Variants in DLG2 observed in about 807,000 individuals in gnomAD.
DLG2 encodes the protein discs large MAGUK scaffold protein 2, also known as disks large homolog 2.
DLG2 carries 45 observed loss-of-function variants against 132.5 expected under a neutral mutation model. The observed-to-expected ratio is 0.34, with a 90% CI of 0.27 to 0.44. The LOEUF (loss-of-function observed/expected upper bound fraction) is 0.44. DLG2 is among the 20% of genes least tolerant of loss of function. DLG2 has a pLI of 1.00. For missense variants in DLG2, 1,045 were observed against 1,196.9 expected, an observed-to-expected ratio of 0.87 and a Z score of 1.87; for synonymous variants, 424 against 419.6, an observed-to-expected ratio of 1.01 and a Z score of -0.13.
intron 6 of DLG2, among the ~76,000 whole-genome samples, chr11:84,583,969 G>T (rs1379717969): frequency 6.6e-6 from 1 of 151,920 alleles, no homozygotes; most frequent in Non-Finnish European, 1.5e-5. Flanking sequence ...ATATAAATTT[G>T]TATTGTGCTC....
intron 6 of DLG2, among the ~76,000 whole-genome samples, chr11:84,823,581 C>CCACACA (rs60714512): frequency 0.011 from 1,500 of 134,464 alleles, 19 homozygotes; most frequent in East Asian, 0.051. Flanking sequence ...GGTTGTATAT[C>CCACACA]CACACACACA....
chr11:85,139,214 A>T (rs1344320445), intron 5 of DLG2, among the ~76,000 whole-genome samples: 1 of 152,100 alleles, frequency 6.6e-6, no homozygotes, highest in Non-Finnish European at 1.5e-5. Flanking sequence ...TCTGAAGTTT[A>T]CCAGTGAGAG....
At chr11:85,496,907 G>C (rs1451311605) in intron 3 of DLG2, among the ~76,000 whole-genome samples, 1 of 152,072 alleles carries the variant, frequency 6.6e-6, no homozygotes, top group Non-Finnish European at 1.5e-5. Flanking sequence ...CGTCCACTCA[G>C]AGACTACAGC....
At chr11:83,842,315 G>A (rs1037350067) in intron 16 of DLG2, among the ~76,000 whole-genome samples, 12 of 152,226 alleles carry the variant, frequency 7.9e-5, no homozygotes, top group Admixed American at 4.6e-4. Flanking sequence ...GAAAATTACC[G>A]CCAGGCTTGG....
At chr11:84,913,893 T>A (rs1271264618) in intron 6 of DLG2, among the ~76,000 whole-genome samples, 1 of 152,164 alleles carries the variant, frequency 6.6e-6, no homozygotes, top group African/African-American at 2.4e-5. Context: ...CAACTAAACA[T>A]CCAACACAAA....
At chr11:83,566,486 G>C (rs1395692067) in intron 19 of DLG2, among the ~76,000 whole-genome samples, 1 of 151,834 alleles carries the variant, frequency 6.6e-6, no homozygotes, top group South Asian at 2.1e-4. Flanking sequence ...AATTGGAAGA[G>C]CCAAGTAGGC....
chr11:83,461,343 G>T (rs1036017240), intron 27 of DLG2, among the ~76,000 whole-genome samples: 1 of 152,006 alleles, frequency 6.6e-6, no homozygotes, highest in Non-Finnish European at 1.5e-5. Flanking sequence ...CCAGGTGTAA[G>T]GCAAATTTCA....
chr11:84,412,149 T>C (rs1339490857), intron 7 of DLG2, among the ~76,000 whole-genome samples: 1 of 152,102 alleles, frequency 6.6e-6, no homozygotes, highest in Non-Finnish European at 1.5e-5. Context: ...ATGGTGATGA[T>C]GATTATGAGA....
intron 6 of DLG2, among the ~76,000 whole-genome samples, chr11:84,655,072 A>G (rs2099686550): frequency 6.6e-6 from 1 of 152,238 alleles, no homozygotes; most frequent in Admixed American, 6.5e-5. Flanking sequence ...TAATGTGTAG[A>G]TAAACATTTT....
At chr11:84,958,024 G>T (rs554654751) in intron 6 of DLG2, among the ~76,000 whole-genome samples, 2 of 152,030 alleles carry the variant, frequency 1.3e-5, no homozygotes, top group South Asian at 4.2e-4. Context: ...TCTGATGGTG[G>T]GATACTAATA....
chr11:85,424,027 G>A (rs546269844), intron 3 of DLG2, among the ~76,000 whole-genome samples: 7 of 152,240 alleles, frequency 4.6e-5, no homozygotes, highest in Admixed American at 1.3e-4. Flanking sequence ...TTTTCCCAGT[G>A]CCTCTGGCCA....
At chr11:85,545,424 A>T (rs888845155) in intron 3 of DLG2, among the ~76,000 whole-genome samples, 42 of 152,164 alleles carry the variant, frequency 2.8e-4, no homozygotes, top group Admixed American at 8.5e-4. Flanking sequence ...ATCAACATTC[A>T]TCAGGGATAT....
chr11:83,934,150 C>A (rs543742719), intron 14 of DLG2, among the ~76,000 whole-genome samples: 1 of 152,298 alleles, frequency 6.6e-6, no homozygotes, highest in South Asian at 2.1e-4. Context: ...CATCTCCCAC[C>A]CTGTTCCCTT....
At chr11:85,346,080 G>C (rs1042144642) in intron 3 of DLG2, among the ~76,000 whole-genome samples, 4 of 152,028 alleles carry the variant, frequency 2.6e-5, no homozygotes, top group African/African-American at 9.7e-5. Flanking sequence ...AGACAGAGTA[G>C]GACGTTCCTG....
chr11:83,821,637 C>T (rs988925933), intron 17 of DLG2, among the ~76,000 whole-genome samples: 4 of 152,056 alleles, frequency 2.6e-5, no homozygotes, highest in Non-Finnish European at 4.4e-5. Context: ...CATTATTGAA[C>T]ACTTATAAAG....
chr11:84,977,142 T>A (rs1025397691), intron 6 of DLG2, among the ~76,000 whole-genome samples: 2 of 152,006 alleles, frequency 1.3e-5, no homozygotes, highest in Non-Finnish European at 2.9e-5. Flanking sequence ...CTCCAAGGGG[T>A]GTATGCTGAT....
chr11:83,634,029 G>C (rs1278035621), intron 18 of DLG2, among the ~76,000 whole-genome samples: 1 of 151,898 alleles, frequency 6.6e-6, no homozygotes, highest in African/African-American at 2.4e-5. Context: ...AGAGACTCTA[G>C]TTACTCTCAG....
intron 6 of DLG2, among the ~76,000 whole-genome samples, chr11:84,987,979 A>G (rs1185078574): frequency 6.6e-6 from 1 of 152,224 alleles, no homozygotes; most frequent in Non-Finnish European, 1.5e-5. Flanking sequence ...GAGTAAACAT[A>G]TAACTCACAG....
intron 4 of DLG2, among the ~76,000 whole-genome samples, chr11:85,244,737 G>T (rs1007094129): frequency 3.9e-5 from 6 of 151,960 alleles, no homozygotes; most frequent in African/African-American, 1.2e-4. Flanking sequence ...ATGAGTAAGT[G>T]CCAGGAAGTC....
Sources: gnomAD v4.1 joint callset for allele counts (sites outside exome capture counted in the v4.1 genomes callset) on GRCh38, gnomAD v4.1.1 for gene constraint, MANE v1.5 for transcripts, NCBI Gene and HGNC (gene_info 2026-07-23, HGNC 2026-07-21) for gene names.